Variants in RGS17 observed in about 807,000 individuals in gnomAD.
RGS17 encodes regulator of G-protein signaling 17.
RGS17 carries 12 observed loss-of-function variants against 25.5 expected under a neutral mutation model. That is an observed-to-expected ratio of 0.47 (90% CI 0.30 to 0.76). The LOEUF is 0.76. Ranked by LOEUF, RGS17 falls within the 30% of genes least tolerant of loss-of-function variation. The probability of loss-of-function intolerance (pLI) is 0.07; values close to 1 mark genes in which losing one functional copy is unlikely to be tolerated. For synonymous variants in RGS17, 71 were observed against 76.9 expected, an observed-to-expected ratio of 0.92 and a Z score of 0.40; for missense variants, 196 against 242.2, an observed-to-expected ratio of 0.81 and a Z score of 1.27.
Position 153,006,446 on chromosome 6 carries a change from A to C in RGS17, c.*5128T>G, listed in dbSNP as rs565987380. The stretch of plus-strand genomic sequence containing the variant: ...TCTATCATCTATCTATCAATCATCT[A>C]TCTATCTATGTCATTGAAAGAAACA... On this transcript the variant is annotated 3_prime_UTR_variant, in exon 5 of 5. Coordinates refer to ENST00000206262, the MANE Select transcript of RGS17 (RefSeq NM_012419.5). 6.6e-6 allele frequency: 1 copy of C among 152,140 alleles called. No individual in the cohort carries two copies. The highest frequency in any genetic ancestry group is 2.4e-5 in the African/African-American group (1 of 41,386). 9.4% of individuals were successfully genotyped at this position (152,140 alleles called of 1,614,324 possible). A position where few individuals can be genotyped will look rare whatever the true frequency, so the allele number is the denominator to read the frequency against.
At chr6:153,111,850 G>C (rs7743683) in intron 1 of RGS17, among the ~76,000 whole-genome samples, 71,015 of 152,050 alleles carry the variant, frequency 0.47, 17,229 homozygotes, top group East Asian at 0.85. Flanking sequence ...GGGCCTGACT[G>C]TTAGAAGCAA....
intron 1 of RGS17, among the ~76,000 whole-genome samples, chr6:153,112,510 T>C (rs777442939): frequency 5.3e-5 from 8 of 152,268 alleles, no homozygotes; most frequent in Non-Finnish European, 1.2e-4. Context: ...CAGGATATTA[T>C]CCAGGAGAAC....
chr6:153,079,851 G>C (rs1485821184), intron 1 of RGS17, among the ~76,000 whole-genome samples: 1 of 151,998 alleles, frequency 6.6e-6, no homozygotes, highest in African/African-American at 2.4e-5. Flanking sequence ...GAAATACTTT[G>C]TGAAGATTCA....
At position 153,008,803 on chromosome 6, in the gene RGS17, T is replaced by C. The variant is rs1464385288; in HGVS notation, c.*2771A>G. On this transcript the variant is annotated 3_prime_UTR_variant, in exon 5 of 5. Coordinates refer to ENST00000206262, the MANE Select transcript of RGS17 (RefSeq NM_012419.5). ...ATATTGTGCTCTTGGAATGGTAGCA[T>C]AGACACCAGTTGAAGGCTCTTTTGT... The C allele has an allele frequency of 2.0e-5, 3 of 152,202 alleles. No individual in the cohort carries two copies. Among genetic ancestry groups the C allele is most frequent in the African/African-American group, 4.8e-5 (2 of 41,472 alleles). The allele number at this position is 152,202 out of a possible 1,614,324, so 9.4% of individuals were successfully genotyped here.
At chr6:153,099,845 G>A (rs569468759) in intron 1 of RGS17, among the ~76,000 whole-genome samples, 1 of 152,146 alleles carries the variant, frequency 6.6e-6, no homozygotes, top group South Asian at 2.1e-4. Flanking sequence ...TGTATGAAAG[G>A]GCTTATCACA....
chr6:153,081,257 T>G (rs764163692), intron 1 of RGS17, among the ~76,000 whole-genome samples: 23 of 152,132 alleles, frequency 1.5e-4, no homozygotes, highest in Non-Finnish European at 2.8e-4. Context: ...TTAGTTTCCT[T>G]TTTGGATACC....
chr6:153,043,069 A>C (rs760979111), intron 2 of RGS17, among the ~76,000 whole-genome samples: 7 of 152,204 alleles, frequency 4.6e-5, no homozygotes, highest in Non-Finnish European at 1.0e-4. Flanking sequence ...TCATCTGCAT[A>C]AATGTTAGGC....
intron 1 of RGS17, among the ~76,000 whole-genome samples, chr6:153,127,875 G>A (rs1777725690): frequency 6.6e-6 from 1 of 152,124 alleles, no homozygotes. Context: ...AGACTTTTGC[G>A]AGCCATGTCG....
At chr6:153,027,348 G>A (rs1188704222) in intron 2 of RGS17, among the ~76,000 whole-genome samples, 8 of 152,066 alleles carry the variant, frequency 5.3e-5, no homozygotes, top group Admixed American at 2.6e-4. Flanking sequence ...GCAAAACACC[G>A]AAAACTCTCG....
At chr6:153,055,262 ATCTG>A (rs1776537608) in intron 1 of RGS17, among the ~76,000 whole-genome samples, 1 of 152,024 alleles carries the variant, frequency 6.6e-6, no homozygotes, top group Admixed American at 6.6e-5. Flanking sequence ...GAAGGGAAAA[ATCTG>A]TCTGCTGTTT....
chr6:153,049,255 G>T (rs1210869994), intron 1 of RGS17, among the ~76,000 whole-genome samples: 1 of 151,938 alleles, frequency 6.6e-6, no homozygotes, highest in Non-Finnish European at 1.5e-5. Flanking sequence ...TAGTAATAAT[G>T]AATTTGAATA....
intron 1 of RGS17, among the ~76,000 whole-genome samples, chr6:153,051,304 T>C (rs1354861187): frequency 6.6e-6 from 1 of 152,164 alleles, no homozygotes; most frequent in Non-Finnish European, 1.5e-5. Context: ...GAAGGGACTT[T>C]TAAAGGTGAT....
intron 3 of RGS17, 93 bp from the exon 4 acceptor site, chr6:153,024,589 A>T: frequency 1.1e-6 from 1 of 928,922 alleles, no homozygotes; most frequent in Non-Finnish European, 1.7e-6. Context: ...AAATTCTATC[A>T]ATTTGCTGCC....
At position 153,119,853 on chromosome 6, in the gene RGS17, C is replaced by A. The variant is rs547354135; in HGVS notation, c.-26+11271G>T. On this transcript the variant is annotated intron_variant, in intron 1 of 4. Transcript: ENST00000206262. The stretch of plus-strand genomic sequence containing the variant: ...CACATATTATCTCTCCACAACTCTG[C>A]AAGGTGGTTTTATTATTTTCATCAT... 6.6e-5 allele frequency among the ~76,000 whole-genome samples: 10 copies of A among 152,290 alleles called. No individual in the cohort carries two copies. The East Asian group carries it at 1.7e-3, about 26-fold the overall frequency.
chr6:153,058,355 A>G (rs1400534441), intron 1 of RGS17, among the ~76,000 whole-genome samples: 2 of 152,146 alleles, frequency 1.3e-5, no homozygotes, highest in Non-Finnish European at 2.9e-5. Context: ...GGATCTTCCT[A>G]TCTCAGGGTT....
chr6:153,044,631 G>GT (rs1469687157), intron 1 of RGS17, among the ~76,000 whole-genome samples: 2 of 152,156 alleles, frequency 1.3e-5, no homozygotes, highest in Non-Finnish European at 2.9e-5. Flanking sequence ...TTTCTGTTAG[G>GT]TGTCAGTGTT....
intron 1 of RGS17, among the ~76,000 whole-genome samples, chr6:153,127,101 T>C (rs1228469029): frequency 6.6e-6 from 1 of 152,116 alleles, no homozygotes; most frequent in Non-Finnish European, 1.5e-5. Flanking sequence ...ACAACCTCAA[T>C]TCCTTGCATG....
intron 2 of RGS17, among the ~76,000 whole-genome samples, chr6:153,043,258 C>G (rs1177658100): frequency 6.6e-6 from 1 of 152,116 alleles, no homozygotes; most frequent in African/African-American, 2.4e-5. Context: ...AGTGATAACA[C>G]CACAATGGGA....
Position 153,009,082 on chromosome 6 carries a change from A to C in RGS17, c.*2492T>G, listed in dbSNP as rs1430571941. Reference sequence around the variant, plus strand: ...ACCAACTTTAAAATCTGTGTTCTACAAATGCCCAGGTTAGAGATTAGGACT... The same window carrying C: ...ACCAACTTTAAAATCTGTGTTCTACCAATGCCCAGGTTAGAGATTAGGACT... On this transcript the variant is annotated 3_prime_UTR_variant, in exon 5 of 5. Coordinates refer to ENST00000206262, the MANE Select transcript of RGS17 (RefSeq NM_012419.5). 1 of 152,142 alleles carries C rather than the reference A, an allele frequency of 6.6e-6. No individual in the cohort carries two copies. The highest frequency in any genetic ancestry group is 2.4e-5 in the African/African-American group (1 of 41,452). The allele number at this position is 152,142 out of a possible 1,614,324, so 9.4% of individuals were successfully genotyped here.
Sources: allele counts gnomAD v4.1 joint callset (sites outside exome capture counted in the v4.1 genomes callset), GRCh38; gene constraint gnomAD v4.1.1; transcripts MANE v1.5; gene names NCBI Gene and HGNC (gene_info 2026-07-23, HGNC 2026-07-21).